OPCML: variants seen among roughly 807,000 people sequenced by gnomAD.
The protein encoded by OPCML is opioid-binding protein/cell adhesion molecule.
In OPCML, 13 loss-of-function variants were observed where a neutral mutation model predicts 37.8. The ratio of observed to expected loss-of-function variants is 0.34; its 90% CI spans 0.22 to 0.55. The LOEUF (loss-of-function observed/expected upper bound fraction) is 0.55, where lower values mean the gene tolerates loss of function less well. Ranked by LOEUF, OPCML falls within the 20% of genes least tolerant of loss-of-function variation. The probability of loss-of-function intolerance (pLI) is 0.91; values close to 1 mark genes in which losing one functional copy is unlikely to be tolerated. For missense variants in OPCML, 341 were observed against 435.6 expected, an observed-to-expected ratio of 0.78 and a Z score of 1.93; for synonymous variants, 176 against 168.8, an observed-to-expected ratio of 1.04 and a Z score of -0.33.
intron 1 of OPCML, chr11:133,068,202 C>A (rs1948468759): frequency 6.6e-6 from 1 of 152,186 alleles, no homozygotes; most frequent in Non-Finnish European, 1.5e-5. Context: ...AGCCAAAACT[C>A]TGCCCTTCTG....
intron 1 of OPCML, among the ~76,000 whole-genome samples, chr11:132,944,462 G>T (rs981536566): frequency 1.9e-4 from 29 of 152,270 alleles, no homozygotes; most frequent in Non-Finnish European, 4.1e-4. Flanking sequence ...CCACCTCCGA[G>T]GACCCACCTC....
chr11:133,022,733 GAAT>G (rs1163475580), intron 1 of OPCML, among the ~76,000 whole-genome samples: 1 of 152,132 alleles, frequency 6.6e-6, no homozygotes, highest in Non-Finnish European at 1.5e-5. Flanking sequence ...ATCATCCGTG[GAAT>G]AATAACAGGA....
chr11:132,955,242 G>A (rs2136706606), intron 1 of OPCML, among the ~76,000 whole-genome samples: 1 of 152,222 alleles, frequency 6.6e-6, no homozygotes, highest in Middle Eastern at 3.4e-3. Context: ...GTGTCTGAAG[G>A]TGAAGAGCTC....
In OPCML at chr11:133,458,148, G is replaced by GAA. The variant is rs1334962120; in HGVS notation, c.61+74114_61+74115dup. ...GCAACAGAGCAAGACTCCATCTTGA[G>GAA]AAAAAATATATATATACATATACAT... On this transcript the variant is annotated intron_variant, in intron 1 of 7. Transcript: ENST00000524381. Among the ~76,000 whole-genome samples, 27 of 141,988 alleles carry GAA rather than the reference G, an allele frequency of 1.9e-4. No individual in the cohort carries two copies. The East Asian group carries it at 2.3e-3, about 12-fold the overall frequency. The allele number at this position is 141,988 out of a possible 152,430, so 93.1% of individuals were successfully genotyped here. A position where few individuals can be genotyped will look rare whatever the true frequency, so the allele number is the denominator to read the frequency against.
At chr11:133,404,331 C>T (rs764885983) in intron 1 of OPCML, among the ~76,000 whole-genome samples, 3 of 152,226 alleles carry the variant, frequency 2.0e-5, no homozygotes, top group Non-Finnish European at 4.4e-5. Context: ...CATTCGCAGG[C>T]GCGAGGAGTA....
At chr11:132,694,662 G>C (rs767087267) in intron 2 of OPCML, among the ~76,000 whole-genome samples, 4 of 152,186 alleles carry the variant, frequency 2.6e-5, no homozygotes, top group African/African-American at 4.8e-5. Flanking sequence ...CCTCAGAGCT[G>C]TTGAAGGTGG....
intron 3 of OPCML, among the ~76,000 whole-genome samples, chr11:132,626,888 A>G (rs1230576294): frequency 2.7e-5 from 4 of 150,706 alleles, no homozygotes; most frequent in Non-Finnish European, 5.9e-5. Flanking sequence ...ATACATATAC[A>G]TATATGTTTT....
chr11:133,138,571 T>G (rs1949725704), intron 1 of OPCML, among the ~76,000 whole-genome samples: 1 of 152,204 alleles, frequency 6.6e-6, no homozygotes, highest in Non-Finnish European at 1.5e-5. Context: ...CTGCTTAATT[T>G]CCTGTTTGTA....
At chr11:132,941,655 C>G (rs1221296347) in intron 2 of OPCML, among the ~76,000 whole-genome samples, 3 of 152,154 alleles carry the variant, frequency 2.0e-5, no homozygotes, top group African/African-American at 4.8e-5. Flanking sequence ...CTTCACATCT[C>G]CAGGAAGGGC....
chr11:132,493,092 AAT>A (rs2096221111), intron 4 of OPCML, among the ~76,000 whole-genome samples: 1 of 152,212 alleles, frequency 6.6e-6, no homozygotes, highest in Non-Finnish European at 1.5e-5. Context: ...ATAAAAAGTA[AAT>A]ATTTCATGTC....
At chr11:133,215,219 A>T (rs7113228) in intron 1 of OPCML, among the ~76,000 whole-genome samples, 62,295 of 137,320 alleles carry the variant, frequency 0.45, 13,223 homozygotes, top group Non-Finnish European at 0.5. Flanking sequence ...TGTGTGTGTG[A>T]GAGAGAGAGA....
At chr11:132,523,172 G>A (rs2096298516) in intron 4 of OPCML, among the ~76,000 whole-genome samples, 1 of 152,166 alleles carries the variant, frequency 6.6e-6, no homozygotes, top group African/African-American at 2.4e-5. Context: ...CTCCCAAAGT[G>A]CTCTGATTAA....
At chr11:133,071,681 T>C (rs1948538444) in intron 1 of OPCML, among the ~76,000 whole-genome samples, 1 of 152,226 alleles carries the variant, frequency 6.6e-6, no homozygotes, top group South Asian at 2.1e-4. Context: ...CTTTCTTGTC[T>C]GGCCTATTGT....
chr11:132,732,630 C>T (rs1274762787), intron 2 of OPCML, among the ~76,000 whole-genome samples: 2 of 151,990 alleles, frequency 1.3e-5, no homozygotes, highest in Admixed American at 6.6e-5. Context: ...ACCCTACAAC[C>T]CCAGTGTGTA....
chr11:133,474,005 C>G (rs181436118), intron 1 of OPCML, among the ~76,000 whole-genome samples: 1 of 152,330 alleles, frequency 6.6e-6, no homozygotes, highest in African/African-American at 2.4e-5. Flanking sequence ...AAAGCTATTA[C>G]TGACTAGCTA....
intron 1 of OPCML, chr11:133,025,270 A>C: frequency 1.1e-6 from 1 of 893,142 alleles, no homozygotes; most frequent in African/African-American, 1.8e-5. Context: ...CTCACCTGTG[A>C]GTTGTATCTC....
At chr11:132,956,193 C>A (rs1945974793) in intron 1 of OPCML, among the ~76,000 whole-genome samples, 1 of 152,036 alleles carries the variant, frequency 6.6e-6, no homozygotes, top group Non-Finnish European at 1.5e-5. Flanking sequence ...TTGTTTTGTG[C>A]CCATACACTA....
At chr11:132,752,080 G>T (rs1945853630) in intron 2 of OPCML, among the ~76,000 whole-genome samples, 1 of 152,138 alleles carries the variant, frequency 6.6e-6, no homozygotes, top group South Asian at 2.1e-4. Flanking sequence ...CAACAAACAA[G>T]ATGCTAAATA....
intron 1 of OPCML, among the ~76,000 whole-genome samples, chr11:133,013,821 A>C (rs61910326): frequency 0.34 from 51,528 of 152,072 alleles, 9,292 homozygotes; most frequent in South Asian, 0.46. Context: ...GCTATAATCA[A>C]TTCCAATTCT....
Sources: gnomAD v4.1 joint callset for allele counts (sites outside exome capture counted in the v4.1 genomes callset) on GRCh38, gnomAD v4.1.1 for gene constraint, MANE v1.5 for transcripts, NCBI Gene and HGNC (gene_info 2026-07-23, HGNC 2026-07-21) for gene names.